The following ARFGEF1 variants were observed in gnomAD, a reference collection of about 807,000 sequenced individuals.
ARFGEF1 encodes the protein ARF guanine nucleotide exchange factor 1.
In ARFGEF1, 42 loss-of-function variants were observed where a neutral mutation model predicts 231.0. The ratio of observed to expected loss-of-function variants is 0.18; its 90% CI spans 0.14 to 0.24. ARFGEF1 has a LOEUF of 0.24. Among genes scored for constraint, ARFGEF1 ranks in the 10% least tolerant of loss-of-function variants. The pLI is 1.00. For missense variants in ARFGEF1, 1,345 were observed against 2,192.0 expected (o/e 0.61, Z 7.72); for synonymous variants, 710 against 732.3 (o/e 0.97, Z 0.49).
chr8:67,257,635 T>C (rs578108574), intron 17 of ARFGEF1, 97 bp downstream of exon 17: 179 of 1,026,352 alleles, frequency 1.7e-4, no homozygotes, highest in Non-Finnish European at 2.5e-4. Context: ...CTGGTTTAAC[T>C]GAATAAAACT....
chr8:67,234,371 A>T (rs1298618426), intron 22 of ARFGEF1, among the ~76,000 whole-genome samples: 1 of 152,186 alleles, frequency 6.6e-6, no homozygotes, highest in East Asian at 1.9e-4. Context: ...ACTAATTTCA[A>T]TAGGGACAAG....
intron 5 of ARFGEF1, among the ~76,000 whole-genome samples, chr8:67,188,944 C>A (rs944842298): frequency 1.3e-5 from 2 of 152,050 alleles, no homozygotes; most frequent in African/African-American, 4.8e-5. Flanking sequence ...ATCTGTGAGG[C>A]CAAGAACCCC....
chr8:67,340,919 G>C (rs778815646), intron 1 of ARFGEF1, among the ~76,000 whole-genome samples: 7 of 152,176 alleles, frequency 4.6e-5, no homozygotes, highest in Non-Finnish European at 1.0e-4. Flanking sequence ...GGACCATTTA[G>C]AGCGCTATAG....
chr8:67,314,467 A>T (rs757930131), intron 1 of ARFGEF1, among the ~76,000 whole-genome samples: 2 of 152,080 alleles, frequency 1.3e-5, no homozygotes, highest in Non-Finnish European at 2.9e-5. Flanking sequence ...CTACCCCTGT[A>T]TTTCGCTTGG....
chr8:67,243,502 C>T (rs550831402), intron 19 of ARFGEF1, among the ~76,000 whole-genome samples: 43 of 152,198 alleles, frequency 2.8e-4, no homozygotes, highest in Admixed American at 1.5e-3. Context: ...AGACCTGCCC[C>T]CATGATTCAA....
chr8:67,216,477 A>G, intron 33 of ARFGEF1, 113 bp downstream of exon 33: 1 of 976,322 alleles, frequency 1.0e-6, no homozygotes, highest in Non-Finnish European at 1.5e-6. Context: ...AGTCTCAGAT[A>G]TTTTTTTAAT....
At chr8:67,312,897 C>G (rs1375462840) in intron 1 of ARFGEF1, among the ~76,000 whole-genome samples, 1 of 151,738 alleles carries the variant, frequency 6.6e-6, no homozygotes, top group Non-Finnish European at 1.5e-5. Context: ...GTACAACCAC[C>G]AAAAATCAAA....
intron 4 of ARFGEF1, among the ~76,000 whole-genome samples, chr8:67,297,416 A>G (rs1158102094): frequency 6.6e-6 from 1 of 152,166 alleles, no homozygotes; most frequent in Non-Finnish European, 1.5e-5. Context: ...TAAAGCATTT[A>G]AAATAATCCC....
chr8:67,299,120 A>G (rs957556860), intron 4 of ARFGEF1, 89 bp downstream of exon 4: 1 of 1,226,544 alleles, frequency 8.2e-7, no homozygotes, highest in African/African-American at 1.5e-5. Flanking sequence ...TGCACATAAA[A>G]TGATCTTTCC....
chr8:67,317,701 G>A (rs528112822), intron 1 of ARFGEF1, among the ~76,000 whole-genome samples: 36 of 150,726 alleles, frequency 2.4e-4, no homozygotes, highest in East Asian at 9.8e-4. Flanking sequence ...ACCTGAGGTC[G>A]GGAGTTCGAG....
downstream of ARFGEF1, among the ~76,000 whole-genome samples, chr8:67,192,722 T>C (rs1340170676): frequency 6.6e-6 from 1 of 152,250 alleles, no homozygotes; most frequent in Non-Finnish European, 1.5e-5. Flanking sequence ...TCCATTCTTT[T>C]GCATGTGGCC....
chr8:67,233,345 CCT>C (rs1839614264), intron 22 of ARFGEF1, among the ~76,000 whole-genome samples: 1 of 152,020 alleles, frequency 6.6e-6, no homozygotes, highest in East Asian at 1.9e-4. Context: ...TCTCTAGTCC[CCT>C]ATTTACAAAG....
rs1038680728 is a variant in ARFGEF1, at chr8:67,227,848, A to C, written c.3591+115T>G. ...CATTCACAGGGTTTTCTAATTTAAT[A>C]TTAAAAAGTAATAAATAATTGCTTG... On this transcript the variant is annotated intron_variant, in intron 25 of 38. Transcript: ENST00000262215. The C allele has an allele frequency of 3.1e-6, 3 of 956,720 alleles. No individual in the cohort carries two copies. In the African/African-American group the frequency reaches 5.1e-5, roughly 16 times the overall value. 59.3% of individuals were successfully genotyped at this position (956,720 alleles called of 1,614,324 possible). A position where few individuals can be genotyped will look rare whatever the true frequency, so the allele number is the denominator to read the frequency against.
At chr8:67,262,421 T>C (rs1398179587) in intron 14 of ARFGEF1, among the ~76,000 whole-genome samples, 2 of 152,202 alleles carry the variant, frequency 1.3e-5, no homozygotes, top group Non-Finnish European at 2.9e-5. Flanking sequence ...TGAAATGCAA[T>C]CTACTACTGG....
At chr8:67,208,176 C>A (rs117696103) in intron 34 of ARFGEF1, among the ~76,000 whole-genome samples, 1 of 152,180 alleles carries the variant, frequency 6.6e-6, no homozygotes, top group African/African-American at 2.4e-5. Flanking sequence ...CCACTCACTA[C>A]CACCTATTTC....
In ARFGEF1 at chr8:67,248,368, C is replaced by A. The variant is rs532605504; in HGVS notation, c.2850+2931G>T. 7.3e-5 allele frequency among the ~76,000 whole-genome samples: 11 copies of A among 150,046 alleles called. 1 individual carries two copies. Among genetic ancestry groups the A allele is most frequent in the Admixed American group, 2.0e-4 (3 of 15,030 alleles). On this transcript the variant is annotated intron_variant, in intron 19 of 38. Coordinates refer to ENST00000262215, the MANE Select transcript of ARFGEF1 (RefSeq NM_006421.5). Reference sequence around the variant, plus strand: ...AGTGAATTCATTTTTGACAAAGGAACCAAGAACATACATTGGGAGAAAGGA... The same window carrying A: ...AGTGAATTCATTTTTGACAAAGGAAACAAGAACATACATTGGGAGAAAGGA...
chr8:67,273,541 A>C (rs537340383), intron 9 of ARFGEF1, among the ~76,000 whole-genome samples: 1 of 151,960 alleles, frequency 6.6e-6, no homozygotes, highest in South Asian at 2.1e-4. Context: ...ATAAGTGTCA[A>C]GTAATTCAAG....
intron 29 of ARFGEF1, among the ~76,000 whole-genome samples, chr8:67,224,059 G>C (rs1839291225): frequency 6.6e-6 from 1 of 152,086 alleles, no homozygotes; most frequent in South Asian, 2.1e-4. Context: ...AACCTTGGTG[G>C]GGGATGGGGG....
chr8:67,334,542 T>G (rs959923570), intron 1 of ARFGEF1, among the ~76,000 whole-genome samples: 3 of 152,138 alleles, frequency 2.0e-5, no homozygotes, highest in African/African-American at 7.2e-5. Context: ...AAACATAAAT[T>G]TATCAAGTGG....
Sources: allele counts gnomAD v4.1 joint callset (sites outside exome capture counted in the v4.1 genomes callset), GRCh38; gene constraint gnomAD v4.1.1; transcripts MANE v1.5; gene names NCBI Gene and HGNC (gene_info 2026-07-23, HGNC 2026-07-21).